Variants in NCAPG observed in about 807,000 individuals in gnomAD.
NCAPG encodes the protein condensin complex subunit 3.
Under a neutral mutation model 113.1 loss-of-function variants are expected in NCAPG, and 69 were observed. The observed-to-expected ratio is 0.61, with a 90% CI of 0.50 to 0.75. NCAPG has a LOEUF of 0.75. Among genes scored for constraint, NCAPG ranks in the 30% least tolerant of loss-of-function variants. The pLI, the probability that NCAPG is intolerant of heterozygous loss-of-function variation, is 0.00. For missense variants in NCAPG, 1,058 were observed against 1,177.0 expected, an observed-to-expected ratio of 0.90 and a Z score of 1.48; for synonymous variants, 370 against 415.8, an observed-to-expected ratio of 0.89 and a Z score of 1.34.
chr4:17,815,490 G>T (rs1721164180), intron 5 of NCAPG, 132 bp downstream of exon 5: 2 of 628,308 alleles, frequency 3.2e-6, no homozygotes, highest in Admixed American at 3.4e-5. Context: ...AATTTATCTT[G>T]ATGTATTATA....
At position 17,813,095 on chromosome 4, in the gene NCAPG, C is replaced by T. The variant is rs1476283933; in HGVS notation, c.494C>T (p.Ala165Val). ...AATGTGAGAATACAGGCAGTTCTGG[C>T]GCTTTCACGACTTCAGGATCCCAAG... The part of the protein sequence containing the change: ...IPNVRIQAVL[A>V]LSRLQDPKDD... The change falls in exon 3 of 21, where the codon GCG (alanine) becomes GTG (valine). Residue 165 changes from alanine to valine, a missense_variant. Physicochemically the swap from Ala to Val is moderately conservative, Grantham distance 64 (BLOSUM62 0). Coordinates refer to ENST00000251496, the MANE Select transcript of NCAPG (RefSeq NM_022346.5). 3.7e-6 allele frequency: 6 copies of T among 1,613,846 alleles called. No homozygotes were observed. The highest frequency in any genetic ancestry group is 2.2e-5 in the East Asian group (1 of 44,866).
At chr4:17,822,274 A>T (rs1453714309) in intron 7 of NCAPG, among the ~76,000 whole-genome samples, 2 of 149,350 alleles carry the variant, frequency 1.3e-5, no homozygotes, top group Admixed American at 1.3e-4. Context: ...GCTCACTGCA[A>T]CCCCTGCCTC....
At chr4:17,825,301 T>G in intron 10 of NCAPG, 81 bp from the exon 11 acceptor site, 1 of 1,263,730 alleles carries the variant, frequency 7.9e-7, no homozygotes, top group Non-Finnish European at 1.1e-6. Context: ...GTTGAGATAT[T>G]AAATAATACT....
intron 6 of NCAPG, 68 bp downstream of exon 6, chr4:17,817,521 C>T: frequency 8.0e-7 from 1 of 1,246,030 alleles, no homozygotes; most frequent in South Asian, 1.4e-5. Context: ...GTTTTTTTTC[C>T]TCCCCATAGC....
rs375783750 is a variant in NCAPG at position 17,819,505 on chromosome 4, G to A, written c.1118+1417G>A. Among the ~76,000 whole-genome samples the A allele has an allele frequency of 2.2e-4, 34 of 151,890 alleles. No homozygotes were observed. In the East Asian group the frequency reaches 3.7e-3, roughly 17 times the overall value. ...CATCCTCCGCCTCCCGGGTTCAAGC[G>A]ATTCTCTTGCCTCAGCCTCCTGAGT... On this transcript the variant is annotated intron_variant, in intron 7 of 20. Coordinates refer to ENST00000251496, the MANE Select transcript of NCAPG (RefSeq NM_022346.5).
At chr4:17,825,160 A>T (rs1721612396) in intron 10 of NCAPG, 103 bp downstream of exon 10, 1 of 886,878 alleles carries the variant, frequency 1.1e-6, no homozygotes, top group Non-Finnish European at 1.7e-6. Context: ...CACATAATCA[A>T]ATTATTGTTT....
At chr4:17,838,389 C>A (rs1722188838) in intron 16 of NCAPG, among the ~76,000 whole-genome samples, 1 of 152,044 alleles carries the variant, frequency 6.6e-6, no homozygotes, top group African/African-American at 2.4e-5. Context: ...CTACTCTGTT[C>A]AATTCATATG....
intron 13 of NCAPG, 50 bp from the exon 14 acceptor site, chr4:17,834,248 CA>C (rs748210968): frequency 1.7e-6 from 2 of 1,202,116 alleles, no homozygotes; most frequent in East Asian, 2.7e-5. Context: ...TAAACAGAAA[CA>C]AAACAGTTTA....
chr4:17,842,497 A>T, intron 20 of NCAPG, 118 bp downstream of exon 20: 2 of 784,672 alleles, frequency 2.5e-6, no homozygotes, highest in South Asian at 1.6e-5. Flanking sequence ...AGTGAAAACT[A>T]TAAATAGCTG....
At chr4:17,842,509 CT>C in intron 20 of NCAPG, 130 bp downstream of exon 20, 1 of 728,850 alleles carries the variant, frequency 1.4e-6, no homozygotes, top group Non-Finnish European at 2.3e-6. Flanking sequence ...AAATAGCTGT[CT>C]TAGGTATATA....
At chr4:17,815,076 A>G (rs564722105) in intron 4 of NCAPG, 78 bp downstream of exon 4, 88 of 1,553,542 alleles carry the variant, frequency 5.7e-5, no homozygotes, top group Middle Eastern at 3.4e-4. Context: ...TTTGAAAAAT[A>G]CTTGGCATGT....
intron 11 of NCAPG, among the ~76,000 whole-genome samples, chr4:17,825,971 C>T (rs368004976): frequency 1.3e-4 from 20 of 151,956 alleles, no homozygotes; most frequent in South Asian, 2.1e-4. Flanking sequence ...TCTATGGTAA[C>T]GTGCATTTTT....
Position 17,831,136 on chromosome 4 carries a change from A to C in NCAPG, c.1884+20A>C. 6.2e-7 allele frequency: 1 copy of C among 1,609,630 alleles called. No homozygotes were observed. Among genetic ancestry groups the C allele is most frequent in the Non-Finnish European group, 8.5e-7 (1 of 1,178,346 alleles). On this transcript the variant is annotated intron_variant, in intron 13 of 20. Transcript: ENST00000251496. The stretch of plus-strand genomic sequence containing the variant: ...TTGCAGGTAGGATTTATCTTGTGAT[A>C]AATCTCAACTGTATTTCCTGAAATA...
In NCAPG at chr4:17,811,184, G is replaced by A; in HGVS notation, c.107G>A (p.Arg36His). The change falls in exon 1 of 21, where the codon CGC (arginine) becomes CAC (histidine). Residue 36 changes from arginine (R) to histidine (H), a missense_variant. Arg to His is a conservative substitution (Grantham distance 29, BLOSUM62 0). Coordinates refer to ENST00000251496, the MANE Select transcript of NCAPG (RefSeq NM_022346.5). This position sits in a 1 kb window ranked among gnomAD's most constrained non-coding sequence, Gnocchi z 5.3. ...KLVVALSRTY[R>H]TMDDKTVFHE... ...GTGGTGGCGCTGAGCCGCACCTACC[G>A]CACGGTAAGCGCTCCCGGCCCCGGC... 2.0e-6 allele frequency: 3 copies of A among 1,477,044 alleles called. No individual in the cohort carries two copies. Among genetic ancestry groups the A allele is most frequent in the Admixed American group, 2.3e-5 (1 of 42,672 alleles). 91.5% of individuals were successfully genotyped at this position (1,477,044 alleles called of 1,614,324 possible).
chr4:17,813,866 T>C (rs1423999762), intron 3 of NCAPG, among the ~76,000 whole-genome samples: 3 of 152,188 alleles, frequency 2.0e-5, no homozygotes, highest in Non-Finnish European at 4.4e-5. Flanking sequence ...CACTCTTCTG[T>C]CCTTTTTGTC....
At chr4:17,815,478 G>A in intron 5 of NCAPG, 120 bp downstream of exon 5, 1 of 654,060 alleles carries the variant, frequency 1.5e-6, no homozygotes, top group Non-Finnish European at 2.6e-6. Context: ...TGAACCTGGT[G>A]AAATTTATCT....
intron 12 of NCAPG, 99 bp from the exon 13 acceptor site, chr4:17,830,897 CT>C (rs1721843207): frequency 8.0e-7 from 1 of 1,253,264 alleles, no homozygotes; most frequent in Admixed American, 2.3e-5. Context: ...TAATACTTAC[CT>C]TTTCTTTAAA....
At chr4:17,840,324 A>C in intron 18 of NCAPG, 115 bp downstream of exon 18, 1 of 1,152,278 alleles carries the variant, frequency 8.7e-7, no homozygotes, top group South Asian at 2.4e-5. Context: ...AATGAATGAA[A>C]TTTTTTTTCT....
chr4:17,815,248 G>T lies in NCAPG; in HGVS notation c.691-26G>T. ...ATCTATAAATTGTGTTGAGGTTAAT[G>T]ACCATCTTTATAAATTATTTTTAAG... On this transcript the variant is annotated intron_variant, in intron 4 of 20. Coordinates refer to ENST00000251496, the MANE Select transcript of NCAPG (RefSeq NM_022346.5). 5.1e-6 allele frequency: 8 copies of T among 1,558,638 alleles called. No individual in the cohort carries two copies. The South Asian group carries it at 9.3e-5, about 18-fold the overall frequency.
Sources: allele counts gnomAD v4.1 joint callset (sites outside exome capture counted in the v4.1 genomes callset), GRCh38; gene constraint gnomAD v4.1.1; non-coding constraint Gnocchi (gnomAD v3.1); transcripts MANE v1.5; gene names NCBI Gene and HGNC (gene_info 2026-07-23, HGNC 2026-07-21).